BCAR3: variants seen among roughly 807,000 people sequenced by gnomAD.
BCAR3 encodes breast cancer anti-estrogen resistance protein 3.
BCAR3 carries 37 observed loss-of-function variants against 80.1 expected under a neutral mutation model. The ratio of observed to expected loss-of-function variants is 0.46; its 90% CI spans 0.36 to 0.61. The LOEUF (loss-of-function observed/expected upper bound fraction) is 0.61. Among genes scored for constraint, BCAR3 ranks in the 20% least tolerant of loss-of-function variants. BCAR3 has a pLI of 0.00. For missense variants in BCAR3, 978 were observed against 1,068.2 expected (o/e 0.92, Z 1.18); for synonymous variants, 389 against 418.9 (o/e 0.93, Z 0.87).
At chr1:93,580,252 T>C (rs1467773831) in intron 7 of BCAR3, among the ~76,000 whole-genome samples, 2 of 152,200 alleles carry the variant, frequency 1.3e-5, no homozygotes, top group Non-Finnish European at 2.9e-5. Context: ...GTTCTGAGAC[T>C]GGACTTCTTG....
intron 2 of BCAR3, among the ~76,000 whole-genome samples, chr1:93,707,678 G>A (rs1253375281): frequency 6.6e-6 from 1 of 152,238 alleles, no homozygotes; most frequent in African/African-American, 2.4e-5. Flanking sequence ...CTGCACTCCA[G>A]TCTGGGTGAT....
At chr1:93,836,473 A>G (rs1264258758) in intron 2 of BCAR3, among the ~76,000 whole-genome samples, 1 of 151,318 alleles carries the variant, frequency 6.6e-6, no homozygotes, top group East Asian at 1.9e-4. Flanking sequence ...TCTATACGAC[A>G]AATGCTCCTT....
chr1:93,565,633 A>G (rs967617501), intron 11 of BCAR3, among the ~76,000 whole-genome samples: 2 of 152,182 alleles, frequency 1.3e-5, no homozygotes, highest in Non-Finnish European at 2.9e-5. Flanking sequence ...TAATGTATTC[A>G]TTGGCTTTGT....
At position 93,582,947 on chromosome 1, in the gene BCAR3, T is replaced by C. The variant is rs1234418599; in HGVS notation, c.1040A>G (p.Lys347Arg). 6.3e-7 allele frequency: 1 copy of C among 1,586,058 alleles called. No homozygotes were observed. The change falls in exon 7 of 12, where the codon AAG becomes AGG. Residue 347 changes from lysine (K) to arginine (R), a missense_variant. Transcript: ENST00000260502. ...CACACCCGAGGACTGAGGTGGCAGC[T>C]TGCAGCCTGTGGGGGATAAGAAAAG... The part of the protein sequence containing the change: ...QSESYLPIGC[K>R]LPPQSSGVDT...
chr1:93,667,366 T>A (rs907047004), intron 2 of BCAR3, among the ~76,000 whole-genome samples: 1 of 152,154 alleles, frequency 6.6e-6, no homozygotes, highest in African/African-American at 2.4e-5. Context: ...TGTGGAGCCT[T>A]CATATTTAGT....
At chr1:93,751,609 T>G (rs140784571) in intron 2 of BCAR3, among the ~76,000 whole-genome samples, 1 of 152,296 alleles carries the variant, frequency 6.6e-6, no homozygotes, top group East Asian at 1.9e-4. Context: ...GACCTAGTTT[T>G]CTTCTAAACT....
In BCAR3 at chr1:93,608,595, T is replaced by C. The variant is rs145933946; in HGVS notation, c.358-16202A>G. ...ATCCACTAACAGAATTTTCCCAAGATCCCAATCCCGTCTCTGCTTCCCACT... is the reference window on the plus strand; with the variant it reads ...ATCCACTAACAGAATTTTCCCAAGACCCCAATCCCGTCTCTGCTTCCCACT... On this transcript the variant is annotated intron_variant, in intron 3 of 11. Coordinates refer to ENST00000260502, the MANE Select transcript of BCAR3 (RefSeq NM_003567.4). 4.5e-4 allele frequency among the ~76,000 whole-genome samples: 68 copies of C among 152,188 alleles called. 1 individual carries two copies. The East Asian group carries it at 8.5e-3, about 19-fold the overall frequency.
At chr1:93,808,340 CCACAGATT>C (rs1364983304) in intron 2 of BCAR3, among the ~76,000 whole-genome samples, 1 of 152,066 alleles carries the variant, frequency 6.6e-6, no homozygotes, top group Admixed American at 6.6e-5. Flanking sequence ...CAGAAAAAAA[CCACAGATT>C]CTATTTTGAG....
intron 3 of BCAR3, among the ~76,000 whole-genome samples, chr1:93,593,547 AT>A (rs923450575): frequency 5.1e-4 from 75 of 147,230 alleles, no homozygotes; most frequent in African/African-American, 1.7e-3. Context: ...AATTTTTGTA[AT>A]TTTTTTTTTA....
At chr1:93,745,670 G>A (rs1651328858) in intron 2 of BCAR3, among the ~76,000 whole-genome samples, 1 of 152,198 alleles carries the variant, frequency 6.6e-6, no homozygotes, top group South Asian at 2.1e-4. Flanking sequence ...CAGGTGTGGG[G>A]TGGGGAGGCA....
chr1:93,680,438 C>G (rs1054038765), intron 1 of BCAR3, among the ~76,000 whole-genome samples: 1 of 152,156 alleles, frequency 6.6e-6, no homozygotes, highest in African/African-American at 2.4e-5. Flanking sequence ...CCCATTGTTA[C>G]CCGGGTAGCC....
intron 2 of BCAR3, among the ~76,000 whole-genome samples, chr1:93,839,929 G>A (rs950995564): frequency 6.6e-6 from 1 of 152,168 alleles, no homozygotes; most frequent in African/African-American, 2.4e-5. Context: ...GGCCTAGGGT[G>A]GGGCCGAGAG....
At chr1:93,766,053 G>A (rs1336670342) in intron 2 of BCAR3, among the ~76,000 whole-genome samples, 1 of 152,102 alleles carries the variant, frequency 6.6e-6, no homozygotes, top group Non-Finnish European at 1.5e-5. Flanking sequence ...CTTGTGTAAC[G>A]GAAACTTTGT....
At chr1:93,635,270 T>C (rs1675743844) in intron 3 of BCAR3, among the ~76,000 whole-genome samples, 1 of 143,150 alleles carries the variant, frequency 7.0e-6, no homozygotes, top group Non-Finnish European at 1.5e-5. Context: ...TTAAATAATA[T>C]GCCATTATAT....
chr1:93,650,686 A>C (rs1486613384), intron 2 of BCAR3, among the ~76,000 whole-genome samples: 1 of 152,222 alleles, frequency 6.6e-6, no homozygotes, highest in Non-Finnish European at 1.5e-5. Context: ...GCATATATTA[A>C]GTGTTATAAG....
chr1:93,833,038 G>A (rs1654629141), intron 2 of BCAR3, among the ~76,000 whole-genome samples: 1 of 152,078 alleles, frequency 6.6e-6, no homozygotes, highest in Non-Finnish European at 1.5e-5. Flanking sequence ...GGGGGAACTA[G>A]CCCCCAATAT....
chr1:93,675,711 G>A (rs1204053134), intron 1 of BCAR3, among the ~76,000 whole-genome samples: 4 of 151,986 alleles, frequency 2.6e-5, no homozygotes, highest in Non-Finnish European at 5.9e-5. Flanking sequence ...AATGGTGGGG[G>A]GCAAAGGAAG....
chr1:93,654,486 C>T (rs934428780), intron 2 of BCAR3, among the ~76,000 whole-genome samples: 6 of 152,100 alleles, frequency 3.9e-5, no homozygotes, highest in Non-Finnish European at 7.4e-5. Flanking sequence ...AGATTCTTCC[C>T]CAGAGCTGAC....
At chr1:93,628,358 C>A (rs1219603297) in intron 3 of BCAR3, among the ~76,000 whole-genome samples, 1 of 152,202 alleles carries the variant, frequency 6.6e-6, no homozygotes, top group Non-Finnish European at 1.5e-5. Context: ...CTGCCCCTGT[C>A]CCCTGCAGTC....
Sources: gnomAD v4.1 joint callset for allele counts (sites outside exome capture counted in the v4.1 genomes callset) on GRCh38, gnomAD v4.1.1 for gene constraint, MANE v1.5 for transcripts, NCBI Gene and HGNC (gene_info 2026-07-23, HGNC 2026-07-21) for gene names.